NIPA1: variants seen among roughly 807,000 people sequenced by gnomAD.
NIPA1 encodes the protein magnesium transporter NIPA1.
In NIPA1, 13 loss-of-function variants were observed where a neutral mutation model predicts 23.9. That is an observed-to-expected ratio of 0.54 (90% CI 0.35 to 0.87). The LOEUF (loss-of-function observed/expected upper bound fraction) is 0.87, where lower values mean the gene tolerates loss of function less well. NIPA1 is among the 40% of genes least tolerant of loss of function. The pLI is 0.01. For synonymous variants in NIPA1, 234 were observed against 202.9 expected (o/e 1.15, Z -1.30); for missense variants, 362 against 429.7 (o/e 0.84, Z 1.39).
At chr15:22,802,339 C>T (rs1433500704) in intron 1 of NIPA1, among the ~76,000 whole-genome samples, 1 of 147,952 alleles carries the variant, frequency 6.8e-6, no homozygotes, top group Non-Finnish European at 1.5e-5. Flanking sequence ...TTGTGGTGAG[C>T]CGAGATCACG....
intron 1 of NIPA1, among the ~76,000 whole-genome samples, chr15:22,796,994 A>G (rs1481484131): frequency 6.6e-6 from 1 of 151,926 alleles, no homozygotes; most frequent in Non-Finnish European, 1.5e-5. Context: ...GGAAAGTGGA[A>G]CTTACTCATC....
At chr15:22,819,346 TC>T (rs1895488735) in intron 3 of NIPA1, 1 of 152,138 alleles carries the variant, frequency 6.6e-6, no homozygotes, top group Non-Finnish European at 1.5e-5. Flanking sequence ...TCCCGGACGT[TC>T]CTGTTTTCTG....
At chr15:22,806,169 C>T (rs542788464) in intron 1 of NIPA1, among the ~76,000 whole-genome samples, 27 of 152,270 alleles carry the variant, frequency 1.8e-4, no homozygotes, top group African/African-American at 5.5e-4. Context: ...GTGATCCGCC[C>T]GCCTCGGCCT....
At chr15:22,793,445 T>G (rs1894876170) in intron 1 of NIPA1, among the ~76,000 whole-genome samples, 1 of 151,962 alleles carries the variant, frequency 6.6e-6, no homozygotes, top group Non-Finnish European at 1.5e-5. Flanking sequence ...GAGCTTCTTT[T>G]TTTTTATTTT....
At chr15:22,806,020 T>C (rs1012267622) in intron 1 of NIPA1, among the ~76,000 whole-genome samples, 2 of 152,022 alleles carry the variant, frequency 1.3e-5, no homozygotes, top group South Asian at 2.1e-4. Context: ...GCCTTCTGGG[T>C]TCACACCATT....
intron 1 of NIPA1, among the ~76,000 whole-genome samples, chr15:22,798,627 T>A (rs1217150924): frequency 2.7e-5 from 4 of 145,922 alleles, no homozygotes; most frequent in African/African-American, 1.0e-4. Context: ...GACGGGTGGA[T>A]CACGAGGTCA....
chr15:22,809,977 C>A (rs1253254425), intron 1 of NIPA1, among the ~76,000 whole-genome samples: 1 of 151,760 alleles, frequency 6.6e-6, no homozygotes, highest in African/African-American at 2.4e-5. Context: ...TGGGAGGAGG[C>A]GGAGGTTGCG....
At chr15:22,819,312 A>G (rs1379486062) in intron 3 of NIPA1, 2 of 152,136 alleles carry the variant, frequency 1.3e-5, no homozygotes, top group Admixed American at 6.5e-5. Context: ...AATCCGGTCC[A>G]TACCTGAGCC....
At chr15:22,787,406 C>A (rs11631320) in intron 1 of NIPA1, among the ~76,000 whole-genome samples, 38,273 of 152,162 alleles carry the variant, frequency 0.25, 6,133 homozygotes, top group Non-Finnish European at 0.36. Flanking sequence ...GCTGTGCGTT[C>A]CTGGGGTGCT....
chr15:22,797,926 G>A lies in NIPA1; in HGVS notation c.178+11092G>A, dbSNP rs1277697434. 2.7e-5 allele frequency among the ~76,000 whole-genome samples: 4 copies of A among 150,100 alleles called. 1 individual carries two copies. The highest frequency in any genetic ancestry group is 2.1e-4 in the South Asian group (1 of 4,774). ...GTGGCACAATCTCGGCTCACTGCAA[G>A]CTCCGCCTCCTGGGTTCATGCCATT... On this transcript the variant is annotated intron_variant, in intron 1 of 4. Transcript: ENST00000337435.
chr15:22,801,637 C>T (rs1227587367), intron 1 of NIPA1, among the ~76,000 whole-genome samples: 1 of 151,736 alleles, frequency 6.6e-6, no homozygotes, highest in Admixed American at 6.6e-5. Context: ...CTGCCTCAGC[C>T]TCCCGAGTAG....
intron 2 of NIPA1, among the ~76,000 whole-genome samples, chr15:22,811,566 T>G (rs1895317078): frequency 6.6e-6 from 1 of 152,142 alleles, no homozygotes; most frequent in Non-Finnish European, 1.5e-5. Flanking sequence ...ATCACGCCAG[T>G]GCACTCCAGC....
chr15:22,798,031 T>G lies in NIPA1; in HGVS notation c.178+11197T>G, dbSNP rs190541229. Among the ~76,000 whole-genome samples the G allele has an allele frequency of 3.7e-3, 559 of 151,336 alleles. 2 individuals are homozygous for G. The highest frequency in any genetic ancestry group is 6.9e-3 in the Middle Eastern group (2 of 290). On this transcript the variant is annotated intron_variant, in intron 1 of 4. Coordinates refer to ENST00000337435, the MANE Select transcript of NIPA1 (RefSeq NM_144599.5). The stretch of plus-strand genomic sequence containing the variant: ...GGCTAATTTCTTTTTGTATTTTTAG[T>G]AGAGACGGGGTTTCACCATGTTAGC...
chr15:22,814,703 A>G (rs1267627138), intron 3 of NIPA1, among the ~76,000 whole-genome samples: 1 of 152,208 alleles, frequency 6.6e-6, no homozygotes, highest in African/African-American at 2.4e-5. Context: ...AATCATCTGT[A>G]CATGCTGTGT....
intron 4 of NIPA1, among the ~76,000 whole-genome samples, chr15:22,821,046 C>A (rs1895528200): frequency 6.6e-6 from 1 of 150,818 alleles, no homozygotes; most frequent in Non-Finnish European, 1.5e-5. Flanking sequence ...GGCGCGATCT[C>A]AGCTCACTGC....
intron 1 of NIPA1, among the ~76,000 whole-genome samples, chr15:22,798,833 C>T (rs1894999557): frequency 2.2e-5 from 1 of 46,116 alleles, no homozygotes; most frequent in Non-Finnish European, 3.2e-5. Context: ...GAGACTCCGT[C>T]TCAAAAAAAA....
At chr15:22,792,289 C>A (rs1340547166) in intron 1 of NIPA1, among the ~76,000 whole-genome samples, 1 of 152,142 alleles carries the variant, frequency 6.6e-6, no homozygotes, top group Non-Finnish European at 1.5e-5. Context: ...GAGGGGTTCG[C>A]ATGGCTGCCC....
At chr15:22,816,345 T>C (rs903528239) in intron 3 of NIPA1, among the ~76,000 whole-genome samples, 6 of 150,690 alleles carry the variant, frequency 4.0e-5, no homozygotes, top group Admixed American at 4.0e-4. Context: ...CGTACCACCA[T>C]GCCCAGCTAA....
intron 1 of NIPA1, among the ~76,000 whole-genome samples, chr15:22,794,321 A>T (rs1208931991): frequency 3.6e-5 from 4 of 111,970 alleles, no homozygotes; most frequent in Middle Eastern, 0.01. Flanking sequence ...TAGAGACAGG[A>T]AGTAGAATGG....
Sources: allele counts gnomAD v4.1 joint callset (sites outside exome capture counted in the v4.1 genomes callset), GRCh38; gene constraint gnomAD v4.1.1; transcripts MANE v1.5; gene names NCBI Gene and HGNC (gene_info 2026-07-23, HGNC 2026-07-21).